VWF: variants seen among roughly 807,000 people sequenced by gnomAD.
The protein encoded by VWF is von Willebrand factor.
A neutral mutation model predicts 308.6 loss-of-function variants in VWF; 176 were observed. That is an observed-to-expected ratio of 0.57 (90% confidence interval 0.50 to 0.65). VWF has a LOEUF of 0.65. VWF is among the 30% of genes least tolerant of loss of function. VWF has a pLI of 0.00. For missense variants in VWF, 3,146 were observed against 3,648.2 expected (o/e 0.86, Z 3.55); for synonymous variants, 1,385 against 1,443.4 (o/e 0.96, Z 0.92).
intron 18 of VWF, among the ~76,000 whole-genome samples, chr12:6,039,924 C>T (rs1055316257): frequency 6.6e-6 from 1 of 152,078 alleles, no homozygotes; most frequent in Non-Finnish European, 1.5e-5. Context: ...AGGTTTCAAA[C>T]GGGAAGTCAG....
At chr12:6,033,811 T>A (rs1843633098) in intron 20 of VWF, among the ~76,000 whole-genome samples, 1 of 152,204 alleles carries the variant, frequency 6.6e-6, no homozygotes, top group African/African-American at 2.4e-5. Flanking sequence ...ACTCAGCCTC[T>A]GGGGCTGGGG....
chr12:6,084,161 G>C (rs930958870), intron 6 of VWF, among the ~76,000 whole-genome samples: 1 of 152,194 alleles, frequency 6.6e-6, no homozygotes, highest in Non-Finnish European at 1.5e-5. Flanking sequence ...GATGGTTTCT[G>C]CAAAATGAAA....
chr12:6,029,529 C>G lies in VWF; in HGVS notation c.2821-41G>C, dbSNP rs113608895. On this transcript the variant is annotated intron_variant, in intron 21 of 51. Transcript: ENST00000261405. ...GCAAGAAATCCAGGAGGATGAAGGG[C>G]AGGCTCGACAGCCAGATCCTCCCTC... is the stretch of plus-strand genomic sequence containing the variant. The G allele has an allele frequency of 1.9e-6, 3 of 1,612,090 alleles. No homozygotes were observed. The African/African-American group carries it at 4.0e-5, about 22-fold the overall frequency.
rs1207331220 is a variant in VWF at position 5,949,033 on chromosome 12, G to A, written c.8424C>T (p.Pro2808=). 1 of 1,613,518 alleles carries A rather than the reference G, an allele frequency of 6.2e-7. No individual in the cohort carries two copies. Among genetic ancestry groups the A allele is most frequent in the African/African-American group, 1.3e-5 (1 of 75,064 alleles). ...VLNAMECKCS[P]RKCSK is the part of the protein sequence containing the mutation. ...AGCAGCCTCACTTGCTGCACTTCCT[G>A]GGGGAGCATTTGCACTCCATGGCAT... Residue 2808 remains proline (P), a synonymous_variant, in exon 52 of 52, where the codon CCC becomes CCT. Transcript: ENST00000261405.
intron 40 of VWF, 65 bp from the exon 41 acceptor site, chr12:5,983,319 G>A: frequency 1.3e-6 from 2 of 1,492,962 alleles, no homozygotes; most frequent in Non-Finnish European, 1.8e-6. Context: ...TTACCTGTGA[G>A]TGGGATGCTA....
intron 25 of VWF, among the ~76,000 whole-genome samples, chr12:6,023,199 G>C (rs1177013840): frequency 6.6e-6 from 1 of 152,158 alleles, no homozygotes; most frequent in Non-Finnish European, 1.5e-5. Flanking sequence ...AGGGATTACA[G>C]GTATGAGTCA....
intron 26 of VWF, 49 bp from the exon 27 acceptor site, chr12:6,022,084 G>T: frequency 6.2e-7 from 1 of 1,612,760 alleles, no homozygotes; most frequent in Non-Finnish European, 8.5e-7. Context: ...CCTTTCCCAC[G>T]AGGAAGCCTC....
chr12:6,086,224 G>A (rs1359117574), intron 6 of VWF, among the ~76,000 whole-genome samples: 1 of 152,200 alleles, frequency 6.6e-6, no homozygotes, highest in Non-Finnish European at 1.5e-5. Context: ...TGGATTCTTG[G>A]ACCTCACTAA....
In VWF at chr12:6,018,816, G is replaced by C; in HGVS notation, c.4602C>G (p.Ser1534Arg). The C allele has an allele frequency of 6.2e-7, 1 of 1,613,944 alleles. No individual in the cohort carries two copies. The highest frequency in any genetic ancestry group is 8.5e-7 in the Non-Finnish European group (1 of 1,179,896). ...VIQRMDVGQD[S>R]IHVTVLQYSY... ...AGTACTGCAGCACCGTGACGTGGAT[G>C]CTGTCCTGGCCCACATCCATCCGCT... The change falls in exon 28 of 52, where the codon AGC (serine) becomes AGG (arginine). Residue 1534 changes from serine to arginine, a missense_variant. This residue lies in a region of VWF where 853 missense variants were observed against 1,177.8 expected (regional missense o/e 0.72). Transcript: ENST00000261405.
intron 14 of VWF, among the ~76,000 whole-genome samples, chr12:6,057,480 TTTATTATTA>T (rs10667650): frequency 0.038 from 4,858 of 129,516 alleles, 106 homozygotes; most frequent in Middle Eastern, 0.06. Flanking sequence ...GCCCGGCAAA[TTTATTATTA>T]TTATTATTAT....
chr12:6,016,943 A>G, intron 28 of VWF, 73 bp from the exon 29 acceptor site: 2 of 1,492,662 alleles, frequency 1.3e-6, no homozygotes, highest in Non-Finnish European at 1.9e-6. Context: ...ACAACCTGAC[A>G]TCCAATAGGA....
intron 5 of VWF, among the ~76,000 whole-genome samples, chr12:6,103,236 G>A (rs1945187269): frequency 6.6e-6 from 1 of 151,972 alleles, no homozygotes; most frequent in South Asian, 2.1e-4. Context: ...GCTGAGGCAG[G>A]AGAATGGCAT....
chr12:6,016,162 C>G lies in VWF; in HGVS notation c.5382G>C (p.Lys1794Asn), dbSNP rs1180621919. ...EMHGARPGAS[K>N]AVVILVTDVS... is the part of the protein sequence containing the mutation. The stretch of plus-strand genomic sequence containing the variant: ...CGTCCGTGACCAGGATGACCACCGC[C>G]TTTGAGGCTCCCGGCCTGGCACCAT... The change falls in exon 31 of 52, where the codon AAG (lysine) becomes AAC (asparagine). Residue 1794 changes from lysine to asparagine, a missense_variant. By Grantham distance (94) the Lys-to-Asn change is moderately conservative. Around this residue, in one of 3 missense-constraint regions of VWF, gnomAD observed 853 missense variants for 1,177.8 expected, o/e 0.72. Transcript: ENST00000261405. 3 of 1,614,218 alleles carry G rather than the reference C, an allele frequency of 1.9e-6. No homozygotes were observed. Among genetic ancestry groups the G allele is most frequent in the Admixed American group, 3.3e-5 (2 of 60,032 alleles).
chr12:6,057,026 G>A lies in VWF; in HGVS notation c.1776C>T (p.Phe592=), dbSNP rs370058863. The change falls in exon 15 of 52, where the codon TTC becomes TTT. Residue 592 remains phenylalanine, a synonymous_variant. Coordinates refer to ENST00000261405, the MANE Select transcript of VWF (RefSeq NM_000552.5). Reference sequence around the variant, plus strand: ...GGCTGACGGCACGATGGCAGGCCTCGAATGTGGGGGACGTCAGGACCGCGC... The same window carrying A: ...GGCTGACGGCACGATGGCAGGCCTCAAATGTGGGGGACGTCAGGACCGCGC... ...EACAVLTSPT[F]EACHRAVSPL... The A allele has an allele frequency of 3.9e-6, 6 of 1,549,362 alleles. No individual in the cohort carries two copies. In the African/African-American group the frequency reaches 6.8e-5, roughly 18 times the overall value.
At chr12:6,056,504 T>A (rs1349545634) in intron 15 of VWF, among the ~76,000 whole-genome samples, 1 of 152,122 alleles carries the variant, frequency 6.6e-6, no homozygotes, top group Admixed American at 6.5e-5. Flanking sequence ...CCCAGTGGGA[T>A]CTGGGACCCA....
intron 16 of VWF, among the ~76,000 whole-genome samples, chr12:6,049,219 C>T (rs563567443): frequency 2.0e-5 from 3 of 152,180 alleles, no homozygotes; most frequent in Non-Finnish European, 4.4e-5. Flanking sequence ...GCACACAGGC[C>T]CCGAGGTCCT....
At chr12:6,066,881 C>A (rs1944721229) in intron 10 of VWF, among the ~76,000 whole-genome samples, 1 of 152,224 alleles carries the variant, frequency 6.6e-6, no homozygotes, top group South Asian at 2.1e-4. Context: ...TGTGGGCCTG[C>A]CTTTGAGATG....
chr12:6,052,913 A>C, intron 15 of VWF, 130 bp from the exon 16 acceptor site: 1 of 1,351,000 alleles, frequency 7.4e-7, no homozygotes, highest in South Asian at 1.4e-5. Flanking sequence ...AGATAATTGT[A>C]GACTTGCTTG....
At chr12:6,102,376 A>G (rs1328962137) in intron 5 of VWF, among the ~76,000 whole-genome samples, 1 of 152,068 alleles carries the variant, frequency 6.6e-6, no homozygotes, top group East Asian at 1.9e-4. Context: ...TGGGAGGTGG[A>G]GGTTGCAGTG....
Sources: gnomAD v4.1 joint callset for allele counts (sites outside exome capture counted in the v4.1 genomes callset) on GRCh38, gnomAD v4.1.1 for gene constraint, gnomAD v4.1.1 regional missense constraint, MANE v1.5 for transcripts, NCBI Gene and HGNC (gene_info 2026-07-23, HGNC 2026-07-21) for gene names.